The following RBKS variants were observed in gnomAD, a reference collection of about 807,000 sequenced individuals.
The protein encoded by RBKS is ribokinase.
RBKS carries 33 observed loss-of-function variants against 33.9 expected under a neutral mutation model. The ratio of observed to expected loss-of-function variants is 0.97; its 90% CI spans 0.74 to 1.30. The LOEUF (loss-of-function observed/expected upper bound fraction) is 1.30, where lower values mean the gene tolerates loss of function less well. Ranked by LOEUF, RBKS falls within the 50% of genes most tolerant of loss-of-function variation. RBKS has a pLI of 0.00. For missense variants in RBKS, 361 were observed against 392.6 expected (o/e 0.92, Z 0.68); for synonymous variants, 125 against 143.0 (o/e 0.87, Z 0.90).
At chr2:27,848,989 G>A (rs1020370544) in intron 2 of RBKS, among the ~76,000 whole-genome samples, 1 of 152,084 alleles carries the variant, frequency 6.6e-6, no homozygotes, top group Non-Finnish European at 1.5e-5. Flanking sequence ...CAGTAAGATT[G>A]CTGGCTATAA....
intron 1 of RBKS, among the ~76,000 whole-genome samples, chr2:27,880,215 A>G (rs187558505): frequency 5.2e-4 from 79 of 152,290 alleles, no homozygotes; most frequent in African/African-American, 1.8e-3. Flanking sequence ...TTTCCATAAA[A>G]TGAACACTGC....
chr2:27,853,957 T>C (rs1256239734), intron 2 of RBKS, among the ~76,000 whole-genome samples: 1 of 152,214 alleles, frequency 6.6e-6, no homozygotes, highest in Non-Finnish European at 1.5e-5. Context: ...GTGACTAATT[T>C]TTGATCTCTG....
chr2:27,787,354 C>A (rs1188872177), intron 7 of RBKS, among the ~76,000 whole-genome samples: 1 of 152,100 alleles, frequency 6.6e-6, no homozygotes, highest in Non-Finnish European at 1.5e-5. Context: ...ATCACCTGAG[C>A]CCAGGGATGT....
At chr2:27,863,420 T>C (rs991200196) in intron 1 of RBKS, among the ~76,000 whole-genome samples, 1 of 152,240 alleles carries the variant, frequency 6.6e-6, no homozygotes, top group Non-Finnish European at 1.5e-5. Flanking sequence ...TTAATAATAC[T>C]TGTCAACTCC....
chr2:27,864,302 C>T (rs759333425), intron 1 of RBKS, among the ~76,000 whole-genome samples: 1 of 152,098 alleles, frequency 6.6e-6, no homozygotes, highest in African/African-American at 2.4e-5. Context: ...ATATTACAGG[C>T]GTGAAACTCA....
intron 7 of RBKS, among the ~76,000 whole-genome samples, chr2:27,801,464 TACAC>T (rs56063622): frequency 0.02 from 2,698 of 136,296 alleles, 87 homozygotes; most frequent in African/African-American, 0.069. Context: ...GGCCACAGTA[TACAC>T]ACACACACAC....
intron 1 of RBKS, among the ~76,000 whole-genome samples, chr2:27,879,765 T>C (rs1285791996): frequency 6.6e-6 from 1 of 152,056 alleles, no homozygotes; most frequent in Admixed American, 6.6e-5. Flanking sequence ...CCTGGACACA[T>C]ACACCCTCCC....
At chr2:27,874,577 C>G (rs560541145) in intron 1 of RBKS, among the ~76,000 whole-genome samples, 1 of 152,334 alleles carries the variant, frequency 6.6e-6, no homozygotes, top group African/African-American at 2.4e-5. Flanking sequence ...CACTTATACG[C>G]TGATGTGTTT....
intron 2 of RBKS, among the ~76,000 whole-genome samples, chr2:27,855,455 G>A (rs972809699): frequency 5.9e-5 from 9 of 152,118 alleles, no homozygotes; most frequent in Non-Finnish European, 1.5e-5. Context: ...CTCCTGAACT[G>A]CCAACTTTTG....
At chr2:27,840,235 T>A (rs978513164) in intron 5 of RBKS, among the ~76,000 whole-genome samples, 1 of 151,556 alleles carries the variant, frequency 6.6e-6, no homozygotes, top group African/African-American at 2.4e-5. Context: ...TTAGCCAGGA[T>A]GGTCTCGATC....
intron 7 of RBKS, among the ~76,000 whole-genome samples, chr2:27,814,215 G>C (rs960461865): frequency 6.6e-6 from 1 of 152,038 alleles, no homozygotes; most frequent in Admixed American, 6.6e-5. Flanking sequence ...AGTGAGACCC[G>C]ATCTCTTAAA....
At chr2:27,797,000 C>T (rs1677679164) in intron 7 of RBKS, among the ~76,000 whole-genome samples, 1 of 152,180 alleles carries the variant, frequency 6.6e-6, no homozygotes. Context: ...GACTCATGTC[C>T]CTGCTTCTTA....
chr2:27,862,345 A>C (rs1664008762), intron 1 of RBKS, among the ~76,000 whole-genome samples: 1 of 152,200 alleles, frequency 6.6e-6, no homozygotes, highest in Admixed American at 6.5e-5. Flanking sequence ...AGGTATTCAC[A>C]AAGAAAGGTG....
At chr2:27,888,210 C>T (rs1664586996) in intron 1 of RBKS, among the ~76,000 whole-genome samples, 1 of 152,032 alleles carries the variant, frequency 6.6e-6, no homozygotes, top group Non-Finnish European at 1.5e-5. Flanking sequence ...TCACTGCTAC[C>T]TCCACCTCCC....
chr2:27,873,002 G>A (rs1664244770), intron 1 of RBKS, among the ~76,000 whole-genome samples: 1 of 152,130 alleles, frequency 6.6e-6, no homozygotes, highest in Non-Finnish European at 1.5e-5. Context: ...AGAGGAGTGA[G>A]GGTATGGAAC....
chr2:27,816,319 C>T lies in RBKS; in HGVS notation c.795+11248G>A, dbSNP rs531184449. Among the ~76,000 whole-genome samples the T allele has an allele frequency of 2.0e-4, 31 of 152,322 alleles. No homozygotes were observed. In the Middle Eastern group the frequency reaches 0.01, roughly 50 times the overall value. ...AGCTAATATGGCCCCCTGGGCATGA[C>T]AGATGTCTTGTGCCTTGTCTATCCA... is the stretch of plus-strand genomic sequence containing the variant. On this transcript the variant is annotated intron_variant, in intron 7 of 7. Coordinates refer to ENST00000302188, the MANE Select transcript of RBKS (RefSeq NM_022128.3).
At chr2:27,822,437 A>C (rs1378567718) in intron 7 of RBKS, among the ~76,000 whole-genome samples, 1 of 152,192 alleles carries the variant, frequency 6.6e-6, no homozygotes, top group Non-Finnish European at 1.5e-5. Context: ...ATAGGGCCTA[A>C]AAGGTGGGTC....
At chr2:27,819,767 C>G (rs1341716976) in intron 7 of RBKS, among the ~76,000 whole-genome samples, 1 of 152,186 alleles carries the variant, frequency 6.6e-6, no homozygotes, top group Non-Finnish European at 1.5e-5. Context: ...ATCTGCTGTA[C>G]ATTTGAATGA....
chr2:27,864,659 C>T (rs1179127422), intron 1 of RBKS, among the ~76,000 whole-genome samples: 2 of 96,548 alleles, frequency 2.1e-5, no homozygotes, highest in Non-Finnish European at 4.2e-5. Flanking sequence ...TAAGTATTGA[C>T]TCATTCATTC....
Sources: gnomAD v4.1 joint callset for allele counts (sites outside exome capture counted in the v4.1 genomes callset) on GRCh38, gnomAD v4.1.1 for gene constraint, MANE v1.5 for transcripts, NCBI Gene and HGNC (gene_info 2026-07-23, HGNC 2026-07-21) for gene names.